ATIC: variants seen among roughly 807,000 people sequenced by gnomAD.
ATIC encodes 5-aminoimidazole-4-carboxamide ribonucleotide formyltransferase/IMP cyclohydrolase, also known as bifunctional purine biosynthesis protein ATIC.
A neutral mutation model predicts 72.5 loss-of-function variants in ATIC; 64 were observed. That is an observed-to-expected ratio of 0.88 (90% CI 0.72 to 1.09). The LOEUF (loss-of-function observed/expected upper bound fraction) is 1.09. ATIC is among the 50% of genes least tolerant of loss of function. ATIC has a pLI of 0.00. For synonymous variants in ATIC, 281 were observed against 267.1 expected (o/e 1.05, Z -0.51); for missense variants, 787 against 732.4 (o/e 1.07, Z -0.86).
chr2:215,328,811 G>A (rs938427451), intron 7 of ATIC, among the ~76,000 whole-genome samples: 4 of 150,694 alleles, frequency 2.7e-5, no homozygotes, highest in African/African-American at 9.8e-5. Flanking sequence ...TCCACCTCCC[G>A]GGTTGAAGTG....
chr2:215,314,917 T>C (rs910333710), intron 2 of ATIC, among the ~76,000 whole-genome samples: 1 of 152,124 alleles, frequency 6.6e-6, no homozygotes, highest in Non-Finnish European at 1.5e-5. Context: ...TTTAACAAAG[T>C]TTTACATGAC....
intron 13 of ATIC, among the ~76,000 whole-genome samples, chr2:215,346,244 C>G (rs1457928743): frequency 1.3e-5 from 2 of 152,132 alleles, no homozygotes; most frequent in African/African-American, 4.8e-5. Context: ...TCATTGTAGC[C>G]TTCGACTCCT....
chr2:215,368,022 C>T, the ATIC span: 8 of 1,614,058 alleles, frequency 5.0e-6, no homozygotes, highest in East Asian at 1.1e-4. Context: ...TTCAAGCCTT[C>T]GTTGACTATG....
intron 12 of ATIC, among the ~76,000 whole-genome samples, chr2:215,341,928 G>A (rs2053023670): frequency 6.6e-6 from 1 of 152,150 alleles, no homozygotes; most frequent in Admixed American, 6.5e-5. Flanking sequence ...GAGGCCTCAG[G>A]AATCTTATAA....
chr2:215,323,934 G>A (rs1037458734), intron 4 of ATIC, among the ~76,000 whole-genome samples: 1 of 152,068 alleles, frequency 6.6e-6, no homozygotes, highest in East Asian at 1.9e-4. Context: ...GGCTAATTTT[G>A]TATTTTTAGT....
At chr2:215,342,594 T>C (rs1320169092) in intron 12 of ATIC, among the ~76,000 whole-genome samples, 1 of 152,202 alleles carries the variant, frequency 6.6e-6, no homozygotes, top group African/African-American at 2.4e-5. Context: ...TCCTTACCCT[T>C]GGGCAACCAC....
At chr2:215,352,581 C>G (rs930756194), downstream of ATIC, among the ~76,000 whole-genome samples, 1 of 91,070 alleles carries the variant, frequency 1.1e-5, no homozygotes, top group African/African-American at 4.2e-5. Flanking sequence ...GACTCCATCT[C>G]AAGAAAAAAA....
chr2:215,343,876 A>G (rs1291417439), intron 12 of ATIC, among the ~76,000 whole-genome samples: 4 of 152,046 alleles, frequency 2.6e-5, no homozygotes, highest in Admixed American at 1.3e-4. Context: ...CTTCTTTTCC[A>G]TTTGTATTCA....
At chr2:215,319,550 A>T (rs1201674400) in intron 3 of ATIC, 115 bp from the exon 4 acceptor site, 3 of 825,738 alleles carry the variant, frequency 3.6e-6, no homozygotes, top group South Asian at 1.5e-5. Context: ...CAAAAAAATA[A>T]ATTTTTTTTT....
chr2:215,344,708 TA>T (rs1460051079), intron 12 of ATIC, 70 bp from the exon 13 acceptor site: 2 of 1,447,882 alleles, frequency 1.4e-6, no homozygotes, highest in Non-Finnish European at 1.9e-6. Context: ...AAATAATATT[TA>T]AAAAAAGAAG....
At chr2:215,315,867 A>G (rs2052702948) in intron 2 of ATIC, among the ~76,000 whole-genome samples, 1 of 151,862 alleles carries the variant, frequency 6.6e-6, no homozygotes, top group African/African-American at 2.4e-5. Flanking sequence ...AGGCAGGAGA[A>G]TTGCTTGAAC....
chr2:215,317,386 A>G (rs2052721290), intron 2 of ATIC, among the ~76,000 whole-genome samples: 1 of 152,206 alleles, frequency 6.6e-6, no homozygotes, highest in Non-Finnish European at 1.5e-5. Context: ...TTCATAAGGA[A>G]TATATTTTTG....
downstream of ATIC, among the ~76,000 whole-genome samples, chr2:215,350,133 T>A (rs896353414): frequency 2.6e-5 from 4 of 152,150 alleles, no homozygotes; most frequent in African/African-American, 9.7e-5. Context: ...TTCATTTTTT[T>A]AATTTGTTAT....
intron 12 of ATIC, among the ~76,000 whole-genome samples, chr2:215,342,103 C>T (rs574309372): frequency 6.6e-4 from 100 of 152,264 alleles, no homozygotes; most frequent in Non-Finnish European, 1.2e-3. Flanking sequence ...CTAGTCCTGC[C>T]TGTTGACACA....
Position 215,321,765 on chromosome 2 carries a change from C to T in ATIC, c.290+2034C>T, listed in dbSNP as rs2052770063. Among the ~76,000 whole-genome samples, 6 of 152,318 alleles carry T rather than the reference C, an allele frequency of 3.9e-5. No individual in the cohort carries two copies. In the South Asian group the frequency reaches 1.2e-3, roughly 32 times the overall value. On this transcript the variant is annotated intron_variant, in intron 4 of 15. Transcript: ENST00000236959. ...ATGTGCTTCCTAGCCAGTTGTTTAC[C>T]TCCTTTGGAGAAATGTCTGTTGAGA... is the stretch of plus-strand genomic sequence containing the variant.
the ATIC span, among the ~76,000 whole-genome samples, chr2:215,356,303 C>G: frequency 1.3e-5 from 2 of 152,138 alleles, no homozygotes; most frequent in Admixed American, 1.3e-4. Flanking sequence ...AAAATGATGT[C>G]TATTTATGGA....
intron 7 of ATIC, 118 bp downstream of exon 7, chr2:215,327,096 G>A: frequency 2.0e-6 from 3 of 1,496,742 alleles, no homozygotes. Context: ...GCCTCCTGTA[G>A]CCATCTGATA....
rs1446328484 is a variant in ATIC, at chr2:215,344,790, T to G, written c.1239T>G (p.Ser413=). The G allele has an allele frequency of 3.7e-6, 6 of 1,613,978 alleles. No individual in the cohort carries two copies. The highest frequency in any genetic ancestry group is 4.2e-6 in the Non-Finnish European group (5 of 1,180,004). Residue 413 remains serine (S), a synonymous_variant, in exon 13 of 16, where the codon TCT becomes TCG. Transcript: ENST00000236959. ...TGTATGTGTTTCAGTTGCCAGAGTC[T>G]GCCCTCCGAGACCTCATCGTAGCCA... ...VVTKNKDLPE[S]ALRDLIVATI...
intron 13 of ATIC, chr2:215,345,216 G>T: frequency 2.8e-6 from 1 of 355,360 alleles, no homozygotes. Context: ...GTAAGTTACG[G>T]TACTGCCACC....
Sources: allele counts gnomAD v4.1 joint callset (sites outside exome capture counted in the v4.1 genomes callset), GRCh38; gene constraint gnomAD v4.1.1; transcripts MANE v1.5; gene names NCBI Gene and HGNC (gene_info 2026-07-23, HGNC 2026-07-21).